The following ZNF729 variants were observed in gnomAD, a reference collection of about 807,000 sequenced individuals.
The protein encoded by ZNF729 is zinc finger protein 729.
In ZNF729, 15 loss-of-function variants were observed where a neutral mutation model predicts 12.2. The ratio of observed to expected loss-of-function variants is 1.23; its 90% CI spans 0.82 to 1.89. ZNF729 has a LOEUF of 1.89. Among genes scored for constraint, ZNF729 ranks in the 40% most tolerant of loss-of-function variants. The pLI is 0.00. For missense variants in ZNF729, 1,540 were observed against 1,456.7 expected, an observed-to-expected ratio of 1.06 and a Z score of -0.93; for synonymous variants, 492 against 476.3, an observed-to-expected ratio of 1.03 and a Z score of -0.43.
intron 1 of ZNF729, 83 bp downstream of exon 1, chr19:22,286,638 C>T (rs1968081871): frequency 1.5e-5 from 24 of 1,550,364 alleles, no homozygotes; most frequent in Non-Finnish European, 2.0e-5. Flanking sequence ...GGACTCCGGC[C>T]TCCCCGCAGT....
At position 22,317,131 on chromosome 19, in the gene ZNF729, T is replaced by C. The variant is rs751648339; in HGVS notation, c.3714T>C (p.Thr1238=). The change falls in exon 4 of 4, where the codon ACT becomes ACC. Residue 1238 remains threonine (T), a synonymous_variant. Coordinates refer to ENST00000601693, the MANE Select transcript of ZNF729 (RefSeq NM_001242680.2). ...PHTLLDKTIH[T]GEKPYKCEEC... is the part of the protein sequence containing the mutation. ...CCTTACTAGACAAAACAATTCATAC[T>C]GGAGAGAAACCCTACAAATGTGAAG... 12 of 1,601,726 alleles carry C rather than the reference T, an allele frequency of 7.5e-6. No homozygotes were observed. The highest frequency in any genetic ancestry group is 1.4e-5 in the African/African-American group (1 of 73,478).
In ZNF729 at chr19:22,289,978, G is replaced by A. The variant is rs998596090; in HGVS notation, c.30+3423G>A. Among the ~76,000 whole-genome samples, 47 of 152,270 alleles carry A rather than the reference G, an allele frequency of 3.1e-4. 1 individual carries two copies. The highest frequency in any genetic ancestry group is 8.4e-4 in the African/African-American group (35 of 41,548). ...TATCTTACTGAGACATAAAATGTAA[G>A]CACCTTAAAATTTTCTTCCCTTACA... On this transcript the variant is annotated intron_variant, in intron 1 of 3. Coordinates refer to ENST00000601693, the MANE Select transcript of ZNF729 (RefSeq NM_001242680.2).
chr19:22,308,631 T>C (rs767592349), intron 3 of ZNF729, among the ~76,000 whole-genome samples: 22 of 152,296 alleles, frequency 1.4e-4, no homozygotes, highest in Non-Finnish European at 2.1e-4. Context: ...ATTAGTGATG[T>C]TGAGCATTTT....
At position 22,314,298 on chromosome 19, in the gene ZNF729, G is replaced by A; in HGVS notation, c.881G>A (p.Cys294Tyr). The part of the protein sequence containing the change: ...RIHTGEKTYK[C>Y]EECGKAFKGS... ...CATACTGGAGAGAAAACCTACAAAT[G>A]TGAAGAATGTGGCAAAGCTTTTAAG... Residue 294 changes from cysteine (C) to tyrosine (Y), a missense_variant, in exon 4 of 4, where the codon TGT (cysteine) becomes TAT (tyrosine). By Grantham distance (194) the Cys-to-Tyr change is radical. Coordinates refer to ENST00000601693, the MANE Select transcript of ZNF729 (RefSeq NM_001242680.2). 6.2e-7 allele frequency: 1 copy of A among 1,610,572 alleles called. No homozygotes were observed. The highest frequency in any genetic ancestry group is 8.5e-7 in the Non-Finnish European group (1 of 1,179,182).
intron 1 of ZNF729, among the ~76,000 whole-genome samples, chr19:22,291,866 TG>T (rs1286286633): frequency 1.3e-5 from 2 of 152,214 alleles, no homozygotes; most frequent in African/African-American, 4.8e-5. Context: ...CCTGAGAAGC[TG>T]GGACTACAGG....
chr19:22,300,907 A>T (rs1968296434), intron 1 of ZNF729, among the ~76,000 whole-genome samples: 1 of 152,200 alleles, frequency 6.6e-6, no homozygotes, highest in African/African-American at 2.4e-5. Context: ...TAAAACTGCA[A>T]CTTCAAATTC....
At chr19:22,287,310 AGGCTG>A (rs1968092197) in intron 1 of ZNF729, among the ~76,000 whole-genome samples, 3 of 150,146 alleles carry the variant, frequency 2.0e-5, no homozygotes, top group Non-Finnish European at 4.4e-5. Flanking sequence ...CTTGTTGCCC[AGGCTG>A]GAGTGCAATA....
At chr19:22,291,269 A>G (rs1968149004) in intron 1 of ZNF729, among the ~76,000 whole-genome samples, 1 of 152,168 alleles carries the variant, frequency 6.6e-6, no homozygotes, top group Admixed American at 6.5e-5. Context: ...CACACTGCCC[A>G]TTATCCTGTG....
At position 22,315,728 on chromosome 19, in the gene ZNF729, G is replaced by T. The variant is rs770467050; in HGVS notation, c.2311G>T (p.Glu771Ter). Residue 771 changes from glutamate (E) to a stop codon, truncating the protein, a stop_gained, in exon 4 of 4, where the codon GAA (glutamate) becomes TAA (stop). Coordinates refer to ENST00000601693, the MANE Select transcript of ZNF729 (RefSeq NM_001242680.2). LOFTEE classifies it low-confidence loss of function (END_TRUNC). ...IHTREKLYKCEECVKAFNSFS... is the reference protein window; with the variant it reads ...IHTREKLYKC ...TACTAGGGAGAAATTGTACAAATGT[G>T]AAGAATGTGTCAAAGCTTTTAACAG... 1.2e-6 allele frequency: 2 copies of T among 1,606,146 alleles called. No homozygotes were observed. The highest frequency in any genetic ancestry group is 1.7e-6 in the Non-Finnish European group (2 of 1,177,842).
chr19:22,291,343 G>A (rs1348927305), intron 1 of ZNF729, among the ~76,000 whole-genome samples: 1 of 152,022 alleles, frequency 6.6e-6, no homozygotes, highest in East Asian at 1.9e-4. Context: ...TCTGATAACA[G>A]ACCCCCTTTT....
intron 3 of ZNF729, among the ~76,000 whole-genome samples, chr19:22,310,123 G>T (rs953607140): frequency 6.6e-6 from 1 of 152,016 alleles, no homozygotes; most frequent in African/African-American, 2.4e-5. Context: ...GAAAAGTCTA[G>T]GGTTTTCAAA....
chr19:22,316,814 A>T lies in ZNF729; in HGVS notation c.3397A>T (p.Lys1133Ter). 1.2e-6 allele frequency: 2 copies of T among 1,613,202 alleles called. No individual in the cohort carries two copies. Among genetic ancestry groups the T allele is most frequent in the Non-Finnish European group, 1.7e-6 (2 of 1,179,966 alleles). ...KIIHTGEKPY[K>*]CEECGKAFSQ... ...AATTCATACTGGGGAGAAACCCTAC[A>T]AATGTGAAGAATGTGGCAAAGCCTT... is the stretch of plus-strand genomic sequence containing the variant. Residue 1133 changes from lysine to a stop codon, truncating the protein, a stop_gained, in exon 4 of 4, where the codon AAA (lysine) becomes TAA (stop). Transcript: ENST00000601693. LOFTEE classifies it low-confidence loss of function (END_TRUNC).
chr19:22,294,278 C>CTCT (rs1968194803), intron 1 of ZNF729, among the ~76,000 whole-genome samples: 1 of 149,090 alleles, frequency 6.7e-6, no homozygotes, highest in Non-Finnish European at 1.5e-5. Context: ...TGGTTATAGG[C>CTCT]GTGTGGCATT....
At chr19:22,312,897 G>A (rs1968469149) in intron 3 of ZNF729, among the ~76,000 whole-genome samples, 1 of 152,054 alleles carries the variant, frequency 6.6e-6, no homozygotes, top group African/African-American at 2.4e-5. Flanking sequence ...ATTTTTAGTA[G>A]AGATGGGGTT....
intron 1 of ZNF729, among the ~76,000 whole-genome samples, chr19:22,295,271 T>C (rs1968213889): frequency 6.6e-6 from 1 of 152,156 alleles, no homozygotes; most frequent in African/African-American, 2.4e-5. Flanking sequence ...CAGGGATAGT[T>C]TGACTTCCTT....
Position 22,314,373 on chromosome 19 carries a change from C to G in ZNF729, c.956C>G (p.Pro319Arg). The G allele has an allele frequency of 6.3e-7, 1 of 1,593,544 alleles. No individual in the cohort carries two copies. Among genetic ancestry groups the G allele is most frequent in the Non-Finnish European group, 8.6e-7 (1 of 1,167,434 alleles). The change falls in exon 4 of 4, where the codon CCC becomes CGC. Residue 319 changes from proline to arginine, a missense_variant. Transcript: ENST00000601693. The part of the protein sequence containing the change: ...AHKVIHTAEK[P>R]YKCEDCGKTF... ...AAGGTAATTCATACTGCAGAGAAACCCTACAAATGTGAAGATTGTGGCAAA... is the reference window on the plus strand; with the variant it reads ...AAGGTAATTCATACTGCAGAGAAACGCTACAAATGTGAAGATTGTGGCAAA...
At chr19:22,288,751 A>T (rs967848440) in intron 1 of ZNF729, among the ~76,000 whole-genome samples, 1 of 152,190 alleles carries the variant, frequency 6.6e-6, no homozygotes, top group African/African-American at 2.4e-5. Context: ...GGGAAAAAGC[A>T]TTGAAATAAT....
Position 22,315,508 on chromosome 19 carries a change from AGCCC to A in ZNF729, c.2092_2095del (p.Ala698LeufsTer6). ...GTGGCAAAGCTTTTAGCCATTTCTCAGCCCTTAGAAGACATAAGATAATTCATAC... is the reference window on the plus strand; with the variant it reads ...GTGGCAAAGCTTTTAGCCATTTCTCATTAGAAGACATAAGATAATTCATAC... On this transcript the variant is annotated frameshift_variant, in exon 4 of 4. Coordinates refer to ENST00000601693, the MANE Select transcript of ZNF729 (RefSeq NM_001242680.2). LOFTEE classifies it low-confidence loss of function (END_TRUNC). 6.2e-7 allele frequency: 1 copy of A among 1,611,898 alleles called. No individual in the cohort carries two copies. Among genetic ancestry groups the A allele is most frequent in the South Asian group, 1.1e-5 (1 of 91,044 alleles).
At chr19:22,287,925 A>C (rs985925555) in intron 1 of ZNF729, among the ~76,000 whole-genome samples, 1 of 149,876 alleles carries the variant, frequency 6.7e-6, no homozygotes, top group Non-Finnish European at 1.5e-5. Context: ...GGCTCACCAC[A>C]ACCTCCGCCT....
Sources: gnomAD v4.1 joint callset for allele counts (sites outside exome capture counted in the v4.1 genomes callset) on GRCh38, gnomAD v4.1.1 for gene constraint, MANE v1.5 for transcripts, NCBI Gene and HGNC (gene_info 2026-07-23, HGNC 2026-07-21) for gene names.